PATJ: variants seen among roughly 807,000 people sequenced by gnomAD.
PATJ encodes inaD-like protein.
In PATJ, 190 loss-of-function variants were observed where a neutral mutation model predicts 224.9. That is an observed-to-expected ratio of 0.84 (90% CI 0.75 to 0.95). The LOEUF (loss-of-function observed/expected upper bound fraction) is 0.95, where lower values mean the gene tolerates loss of function less well. Among genes scored for constraint, PATJ ranks in the 40% least tolerant of loss-of-function variants. PATJ has a pLI of 0.00. For synonymous variants in PATJ, 769 were observed against 820.3 expected (o/e 0.94, Z 1.07); for missense variants, 2,121 against 2,270.3 (o/e 0.93, Z 1.34).
rs781297636 is a variant in PATJ, at chr1:61,787,794, G to A, written c.890G>A (p.Gly297Asp). 1.2e-6 allele frequency: 2 copies of A among 1,613,990 alleles called. No individual in the cohort carries two copies. Among genetic ancestry groups the A allele is most frequent in the Non-Finnish European group, 1.7e-6 (2 of 1,179,952 alleles). The change falls in exon 8 of 44, where the codon GGT becomes GAT. Residue 297 changes from glycine (G) to aspartate (D), a missense_variant. Physicochemically the swap from Gly to Asp is moderately conservative, Grantham distance 94. Transcript: ENST00000642238. The part of the protein sequence containing the change: ...LQTGDHILKI[G>D]GTNVQGMTSE... ...ACAGGGGACCACATCTTGAAGATTG[G>A]TGGCACAAACGTGCAGGGAATGACC... is the stretch of plus-strand genomic sequence containing the variant.
rs61201804 is a variant in PATJ, at chr1:61,874,172, T to TTTTATTTATTTA, written c.2836-1035_2836-1024dup. On this transcript the variant is annotated intron_variant, in intron 20 of 43. Coordinates refer to ENST00000642238, the MANE Select transcript of PATJ (RefSeq NM_001350145.3). ...AGTGGAATGAGCTCCCTTGGGCCTA[T>TTTTATTTATTTA]TTTATTTATTTATTTATTTATTTAT... Among the ~76,000 whole-genome samples, 583 of 139,764 alleles carry TTTTATTTATTTA rather than the reference T, an allele frequency of 4.2e-3. 5 individuals carry two copies. Among genetic ancestry groups the TTTTATTTATTTA allele is most frequent in the East Asian group, 0.012 (54 of 4,456 alleles). 91.7% of individuals were successfully genotyped at this position (139,764 alleles called of 152,430 possible). A position where few individuals can be genotyped will look rare whatever the true frequency, so the allele number is the denominator to read the frequency against.
chr1:61,801,984 C>T (rs11803807), intron 12 of PATJ, among the ~76,000 whole-genome samples: 149,090 of 151,116 alleles, frequency 0.99, 73,573 homozygotes, highest in Middle Eastern at 1. Context: ...ATGTGCACAA[C>T]GTGCAGGTTT....
rs1669908067 is a variant in PATJ at position 62,162,476 on chromosome 1, G to T, written c.*1422G>T. 6.6e-6 allele frequency: 1 copy of T among 152,228 alleles called. No homozygotes were observed. Among genetic ancestry groups the T allele is most frequent in the Non-Finnish European group, 1.5e-5 (1 of 68,068 alleles). The allele number at this position is 152,228 out of a possible 1,614,324, so 9.4% of individuals were successfully genotyped here. A position where few individuals can be genotyped will look rare whatever the true frequency, so the allele number is the denominator to read the frequency against. On this transcript the variant is annotated 3_prime_UTR_variant, in exon 44 of 44. Transcript: ENST00000642238. ...CTAGGAATATGTGATGAAAATGCAT[G>T]GCTGATGTTTCCTGATCTCCAAGGA...
chr1:62,132,657 A>C (rs745938110), intron 41 of PATJ, among the ~76,000 whole-genome samples: 13 of 152,134 alleles, frequency 8.5e-5, no homozygotes, highest in Non-Finnish European at 1.6e-4. Context: ...AATCCCAGCA[A>C]TTTGGGAGGT....
intron 28 of PATJ, among the ~76,000 whole-genome samples, chr1:62,001,507 C>T (rs3928816): frequency 0.12 from 16,442 of 142,044 alleles, 1,191 homozygotes; most frequent in Non-Finnish European, 0.17. Context: ...TGTAGATATG[C>T]GGCGTTATTT....
intron 31 of PATJ, among the ~76,000 whole-genome samples, chr1:62,070,244 C>T (rs1429839521): frequency 6.6e-6 from 1 of 152,176 alleles, no homozygotes; most frequent in African/African-American, 2.4e-5. Flanking sequence ...GTTTACGAGG[C>T]AGGTTAGAGT....
At chr1:61,849,268 C>T (rs1219142420) in intron 17 of PATJ, among the ~76,000 whole-genome samples, 1 of 152,158 alleles carries the variant, frequency 6.6e-6, no homozygotes, top group Non-Finnish European at 1.5e-5. Flanking sequence ...AACTATACAA[C>T]ACAGCCTAGA....
At chr1:61,799,699 C>T (rs1352502878) in intron 11 of PATJ, among the ~76,000 whole-genome samples, 1 of 152,046 alleles carries the variant, frequency 6.6e-6, no homozygotes, top group Non-Finnish European at 1.5e-5. Context: ...TCAACCCTCA[C>T]CCCCGCTCCA....
intron 27 of PATJ, among the ~76,000 whole-genome samples, chr1:61,964,608 G>A (rs1681806638): frequency 6.6e-6 from 1 of 151,678 alleles, no homozygotes; most frequent in African/African-American, 2.4e-5. Context: ...GGGCAACATG[G>A]TGAAACCCCA....
At chr1:61,794,119 CTTG>C (rs1472996750) in intron 9 of PATJ, among the ~76,000 whole-genome samples, 1 of 151,948 alleles carries the variant, frequency 6.6e-6, no homozygotes, top group Non-Finnish European at 1.5e-5. Flanking sequence ...CCAGGCTGGT[CTTG>C]AACTCCTGAC....
chr1:62,092,889 G>A (rs1476359053), intron 33 of PATJ, among the ~76,000 whole-genome samples: 3 of 151,148 alleles, frequency 2.0e-5, no homozygotes, highest in East Asian at 3.9e-4. Flanking sequence ...CTACAGGCAC[G>A]CGCGACCACA....
intron 31 of PATJ, among the ~76,000 whole-genome samples, chr1:62,057,996 A>C (rs1170467609): frequency 6.6e-6 from 1 of 152,238 alleles, no homozygotes; most frequent in Non-Finnish European, 1.5e-5. Flanking sequence ...AGAACTCTTT[A>C]GATTTTTCAA....
At position 61,796,710 on chromosome 1, in the gene PATJ, CTTTCTTTCTTTCTT is replaced by C. The variant is rs1557661135; in HGVS notation, c.1261-561_1261-548del. ...TCTTTCTTTCTTTCTTTCTTTCTTT[CTTTCTTTCTTTCTT>C]TTTCTTTCTTTCTTTCTTTTTTTTC... On this transcript the variant is annotated intron_variant, in intron 10 of 43. Coordinates refer to ENST00000642238, the MANE Select transcript of PATJ (RefSeq NM_001350145.3). Among the ~76,000 whole-genome samples, 591 of 89,364 alleles carry C rather than the reference CTTTCTTTCTTTCTT, an allele frequency of 6.6e-3. 5 individuals are homozygous for C. Among genetic ancestry groups the C allele is most frequent in the African/African-American group, 0.014 (222 of 16,086 alleles). 58.6% of individuals were successfully genotyped at this position (89,364 alleles called of 152,430 possible). A position where few individuals can be genotyped will look rare whatever the true frequency, so the allele number is the denominator to read the frequency against.
At chr1:62,038,727 CAT>C (rs1207454314) in intron 30 of PATJ, 22 of 342,150 alleles carry the variant, frequency 6.4e-5, no homozygotes, top group Non-Finnish European at 1.2e-4. Flanking sequence ...CTACAGTAAA[CAT>C]AAATAGCTAT....
chr1:62,160,148 T>C (rs1293281729), intron 43 of PATJ, among the ~76,000 whole-genome samples: 1 of 152,088 alleles, frequency 6.6e-6, no homozygotes, highest in Non-Finnish European at 1.5e-5. Context: ...TTTTAAGGTC[T>C]TTTCTTCCCT....
chr1:62,067,117 T>C (rs1346115442), intron 31 of PATJ, among the ~76,000 whole-genome samples: 3 of 132,316 alleles, frequency 2.3e-5, no homozygotes, highest in African/African-American at 1.1e-4. Flanking sequence ...ATAATTCCTA[T>C]TCTTTCTTTT....
At position 61,797,577 on chromosome 1, in the gene PATJ, A is replaced by G. The variant is rs182116844; in HGVS notation, c.1402+149A>G. 1.4e-5 allele frequency: 9 copies of G among 665,472 alleles called. 1 individual carries two copies. Among genetic ancestry groups the G allele is most frequent in the Admixed American group, 1.0e-4 (4 of 38,350 alleles). 41.2% of individuals were successfully genotyped at this position (665,472 alleles called of 1,614,324 possible). A position where few individuals can be genotyped will look rare whatever the true frequency, so the allele number is the denominator to read the frequency against. On this transcript the variant is annotated intron_variant, in intron 11 of 43. Transcript: ENST00000642238. ...GAGAAATGAGTCAGCTCATTTGTTC[A>G]CTGAAGCAAGTGTTTTCTTTGCTTA... is the stretch of plus-strand genomic sequence containing the variant.
At chr1:61,809,955 C>T (rs1377636046) in intron 14 of PATJ, among the ~76,000 whole-genome samples, 1 of 151,482 alleles carries the variant, frequency 6.6e-6, no homozygotes, top group Non-Finnish European at 1.5e-5. Context: ...AAACGATTCT[C>T]CTGCCTCAGC....
At chr1:61,783,152 G>T (rs911467519) in intron 7 of PATJ, among the ~76,000 whole-genome samples, 1 of 152,144 alleles carries the variant, frequency 6.6e-6, no homozygotes, top group Admixed American at 6.5e-5. Flanking sequence ...AAGCAATTTT[G>T]CTTTGAGTGA....
Sources: allele counts gnomAD v4.1 joint callset (sites outside exome capture counted in the v4.1 genomes callset), GRCh38; gene constraint gnomAD v4.1.1; transcripts MANE v1.5; gene names NCBI Gene and HGNC (gene_info 2026-07-23, HGNC 2026-07-21).